Variants in GPATCH8 observed in about 807,000 individuals in gnomAD.
GPATCH8 encodes G patch domain-containing protein 8.
Under a neutral mutation model 118.3 loss-of-function variants are expected in GPATCH8, and 18 were observed. The ratio of observed to expected loss-of-function variants is 0.15; its 90% CI spans 0.11 to 0.23. GPATCH8 has a LOEUF of 0.23. Ranked by LOEUF, GPATCH8 falls within the 10% of genes least tolerant of loss-of-function variation. GPATCH8 has a pLI of 1.00. For missense variants in GPATCH8, 1,631 were observed against 1,873.8 expected (o/e 0.87, Z 2.39); for synonymous variants, 659 against 684.7 (o/e 0.96, Z 0.59).
intron 5 of GPATCH8, among the ~76,000 whole-genome samples, chr17:44,431,072 C>T (rs2050293480): frequency 6.6e-6 from 1 of 151,610 alleles, no homozygotes; most frequent in Non-Finnish European, 1.5e-5. Flanking sequence ...ACAATTTTAC[C>T]TACAAAATTG....
At chr17:44,497,082 G>T (rs1969711845) in intron 1 of GPATCH8, among the ~76,000 whole-genome samples, 1 of 152,150 alleles carries the variant, frequency 6.6e-6, no homozygotes, top group Admixed American at 6.5e-5. Context: ...AATATGAAAA[G>T]AAAATTAATG....
At chr17:44,424,146 T>C (rs2050009918) in intron 6 of GPATCH8, among the ~76,000 whole-genome samples, 1 of 152,158 alleles carries the variant, frequency 6.6e-6, no homozygotes, top group South Asian at 2.1e-4. Context: ...TCAAATAGTG[T>C]ATATGTGGGA....
chr17:44,409,272 T>C (rs1028877102), intron 6 of GPATCH8: 2 of 152,192 alleles, frequency 1.3e-5, no homozygotes, highest in African/African-American at 4.8e-5. Flanking sequence ...TAGCGCACTA[T>C]AGTTCAGAAC....
chr17:44,423,223 G>C (rs1326105521), intron 6 of GPATCH8, among the ~76,000 whole-genome samples: 1 of 152,156 alleles, frequency 6.6e-6, no homozygotes, highest in Non-Finnish European at 1.5e-5. Flanking sequence ...TTGGGCGAAA[G>C]AGCAAAACTC....
Position 44,399,977 on chromosome 17 carries a change from A to G in GPATCH8, c.2100T>C (p.Ser700=). Residue 700 remains serine (S), a synonymous_variant, in exon 8 of 8, where the codon TCT becomes TCC. Transcript: ENST00000591680. ...KHKADTEEKS[S]KAESGEKSKK... Reference sequence around the variant, plus strand: ...TAGATTTCTCCCCTGACTCTGCCTTAGAGCTTTTCTCTTCTGTGTCAGCCT... The same window carrying G: ...TAGATTTCTCCCCTGACTCTGCCTTGGAGCTTTTCTCTTCTGTGTCAGCCT... The G allele has an allele frequency of 6.2e-7, 1 of 1,613,920 alleles. No homozygotes were observed. Among genetic ancestry groups the G allele is most frequent in the Non-Finnish European group, 8.5e-7 (1 of 1,179,988 alleles).
chr17:44,445,963 T>G (rs575713984), intron 3 of GPATCH8: 1 of 152,182 alleles, frequency 6.6e-6, no homozygotes, highest in Non-Finnish European at 1.5e-5. Flanking sequence ...AGAGACAGAA[T>G]CTCACCCTGT....
In GPATCH8 at chr17:44,503,396, C is replaced by A. The variant is rs763260904; in HGVS notation, c.-26G>T. On this transcript the variant is annotated 5_prime_UTR_variant, in exon 1 of 8. Transcript: ENST00000591680. Reference sequence around the variant, plus strand: ...TTTGCCGCCTTCACTCCTCTCAGGACGACGCTCTCCGGTTCGCTCCTTCCC... The same window carrying A: ...TTTGCCGCCTTCACTCCTCTCAGGAAGACGCTCTCCGGTTCGCTCCTTCCC... The A allele has an allele frequency of 1.3e-5, 21 of 1,590,292 alleles. No individual in the cohort carries two copies. Among genetic ancestry groups the A allele is most frequent in the Non-Finnish European group, 1.8e-5 (21 of 1,166,254 alleles).
chr17:44,472,821 G>A (rs1253535360), intron 2 of GPATCH8, among the ~76,000 whole-genome samples: 10 of 151,872 alleles, frequency 6.6e-5, no homozygotes, highest in African/African-American at 1.9e-4. Context: ...TCAGCCTCCC[G>A]AGTAGCTGGG....
intron 6 of GPATCH8, among the ~76,000 whole-genome samples, chr17:44,417,186 C>T (rs2049717437): frequency 6.6e-6 from 1 of 152,144 alleles, no homozygotes; most frequent in Non-Finnish European, 1.5e-5. Context: ...TGTTATGTTA[C>T]TGCGTAATGA....
intron 2 of GPATCH8, chr17:44,464,908 A>G (rs959576485): frequency 4.6e-6 from 1 of 215,830 alleles, no homozygotes; most frequent in Non-Finnish European, 9.4e-6. Flanking sequence ...AGTCATATCC[A>G]CCACCTAAAC....
chr17:44,402,755 A>T (rs941793385), intron 7 of GPATCH8, among the ~76,000 whole-genome samples: 5 of 152,232 alleles, frequency 3.3e-5, no homozygotes, highest in African/African-American at 4.8e-5. Context: ...CACAGAAACT[A>T]AAAAGTCCAT....
In GPATCH8 at chr17:44,399,274, A is replaced by G; in HGVS notation, c.2803T>C (p.Tyr935His). 6.2e-7 allele frequency: 1 copy of G among 1,613,944 alleles called. No homozygotes were observed. Among genetic ancestry groups the G allele is most frequent in the Non-Finnish European group, 8.5e-7 (1 of 1,179,882 alleles). Reference sequence around the variant, plus strand: ...CGGGACTGGCTGCAACTGAGGCTATAGTCATCATCAGAAGATGAATATTTG... The same window carrying G: ...CGGGACTGGCTGCAACTGAGGCTATGGTCATCATCAGAAGATGAATATTTG... ...RHKYSSSDDD[Y>H]SLSCSQSRSR... Residue 935 changes from tyrosine to histidine, a missense_variant, in exon 8 of 8, where the codon TAT becomes CAT. Physicochemically the swap from Tyr to His is moderately conservative, Grantham distance 83. This residue lies in a region of GPATCH8 where 922 missense variants were observed against 879.7 expected (regional missense o/e 1.05). Coordinates refer to ENST00000591680, the MANE Select transcript of GPATCH8 (RefSeq NM_001002909.4).
At chr17:44,407,466 A>C (rs992174939) in intron 6 of GPATCH8, among the ~76,000 whole-genome samples, 21 of 152,236 alleles carry the variant, frequency 1.4e-4, no homozygotes, top group Admixed American at 4.6e-4. Context: ...ATATGTGTAC[A>C]TACACACAGA....
chr17:44,455,791 A>G (rs2051307268), intron 3 of GPATCH8, among the ~76,000 whole-genome samples: 1 of 152,206 alleles, frequency 6.6e-6, no homozygotes, highest in African/African-American at 2.4e-5. Context: ...CTTGTCACCC[A>G]GGCTGGAGTG....
chr17:44,485,882 T>C (rs191954101), intron 1 of GPATCH8, among the ~76,000 whole-genome samples: 1 of 152,322 alleles, frequency 6.6e-6, no homozygotes, highest in East Asian at 1.9e-4. Flanking sequence ...CATTTTCTAG[T>C]ACACTAGTGA....
Position 44,436,472 on chromosome 17 carries a change from A to T in GPATCH8, c.261+6T>A. The T allele has an allele frequency of 8.0e-7, 1 of 1,250,694 alleles. No homozygotes were observed. The highest frequency in any genetic ancestry group is 1.2e-6 in the Non-Finnish European group (1 of 847,940). 77.5% of individuals were successfully genotyped at this position (1,250,694 alleles called of 1,614,324 possible). A position where few individuals can be genotyped will look rare whatever the true frequency, so the allele number is the denominator to read the frequency against. On this transcript the variant is annotated splice_donor_region_variant and intron_variant, in intron 4 of 7. Transcript: ENST00000591680. Reference sequence around the variant, plus strand: ...CAAAACTTATGAGTTAATGAGATCAATTTACCTCCATTTCCATGCGACCCA... The same window carrying T: ...CAAAACTTATGAGTTAATGAGATCATTTTACCTCCATTTCCATGCGACCCA...
At position 44,400,445 on chromosome 17, in the gene GPATCH8, A is replaced by G. The variant is rs764272918; in HGVS notation, c.1632T>C (p.Asp544=). Residue 544 remains aspartate, a synonymous_variant, in exon 8 of 8, where the codon GAT becomes GAC. Transcript: ENST00000591680. ...TGPFFPVLSK[D]ESTALQWPSE... is the part of the protein sequence containing the mutation. ...ATGGCCACTGGAGGGCAGTGCTTTC[A>G]TCTTTGCTCAAAACTGGGAAGAAGG... 5 of 1,614,058 alleles carry G rather than the reference A, an allele frequency of 3.1e-6. No homozygotes were observed. The highest frequency in any genetic ancestry group is 3.4e-6 in the Non-Finnish European group (4 of 1,180,028).
chr17:44,404,249 T>C (rs1013971190), intron 7 of GPATCH8, among the ~76,000 whole-genome samples: 2 of 151,700 alleles, frequency 1.3e-5, no homozygotes, highest in African/African-American at 2.4e-5. Flanking sequence ...GTGATTCTTC[T>C]ACCTCAGGCT....
At chr17:44,451,997 G>T (rs529567925) in intron 3 of GPATCH8, among the ~76,000 whole-genome samples, 8 of 152,146 alleles carry the variant, frequency 5.3e-5, no homozygotes, top group African/African-American at 1.7e-4. Context: ...CAGGCTGGGC[G>T]TGGTGGCTTA....
Sources: allele counts gnomAD v4.1 joint callset (sites outside exome capture counted in the v4.1 genomes callset), GRCh38; gene constraint gnomAD v4.1.1; regional missense constraint gnomAD v4.1.1; transcripts MANE v1.5; gene names NCBI Gene and HGNC (gene_info 2026-07-23, HGNC 2026-07-21).